CLPTM1: variants seen among roughly 807,000 people sequenced by gnomAD.
CLPTM1 encodes the protein putative lipid scramblase CLPTM1.
In CLPTM1, 21 loss-of-function variants were observed where a neutral mutation model predicts 77.3. That is an observed-to-expected ratio of 0.27 (90% CI 0.19 to 0.39). CLPTM1 has a LOEUF of 0.39. CLPTM1 is among the 10% of genes least tolerant of loss of function. The pLI, the probability that CLPTM1 is intolerant of heterozygous loss-of-function variation, is 1.00. For missense variants in CLPTM1, 642 were observed against 921.2 expected (o/e 0.70, Z 3.92); for synonymous variants, 373 against 381.0 (o/e 0.98, Z 0.24).
rs112677452 is a variant in CLPTM1 at position 44,990,501 on chromosome 19, C to T, written c.1239C>T (p.Asn413=). 2.1e-4 allele frequency: 334 copies of T among 1,614,158 alleles called. No individual in the cohort carries two copies. Among genetic ancestry groups the T allele is most frequent in the Non-Finnish European group, 2.6e-4 (310 of 1,180,000 alleles). ...TGGTCCTCCTCTACATCCTGGACAA[C>T]GAGACCAACTTCGTGGTCCAGGTCA... The part of the protein sequence containing the change: ...SFVVLLYILD[N]ETNFVVQVSV... The change falls in exon 10 of 14, where the codon AAC becomes AAT. Residue 413 remains asparagine (N), a synonymous_variant. Transcript: ENST00000337392. The surrounding 1 kb of genome is among the most constrained non-coding windows in gnomAD (Gnocchi z 4.8).
intron 9 of CLPTM1, 77 bp downstream of exon 9, chr19:44,988,250 C>A: frequency 3.8e-6 from 4 of 1,040,854 alleles, no homozygotes; most frequent in Non-Finnish European, 6.1e-6. Flanking sequence ...TCCTCCCCTC[C>A]CTCCCCACAT....
intron 5 of CLPTM1, among the ~76,000 whole-genome samples, chr19:44,978,556 C>T (rs1416371225): frequency 6.7e-6 from 1 of 148,758 alleles, no homozygotes; most frequent in African/African-American, 2.5e-5. Context: ...TCGCTTGAAC[C>T]TGGGAGGTCA....
Position 44,993,038 on chromosome 19 carries a change from C to G in CLPTM1, c.*141C>G, listed in dbSNP as rs748251272. Reference sequence around the variant, plus strand: ...AGGCCCGCCTCAGGTCAGGGCCCAGCGTGTGATGTAGGGGCCGGGGCAGGC... The same window carrying G: ...AGGCCCGCCTCAGGTCAGGGCCCAGGGTGTGATGTAGGGGCCGGGGCAGGC... On this transcript the variant is annotated 3_prime_UTR_variant, in exon 14 of 14. Coordinates refer to ENST00000337392, the MANE Select transcript of CLPTM1 (RefSeq NM_001294.4). 2 of 1,074,140 alleles carry G rather than the reference C, an allele frequency of 1.9e-6. No individual in the cohort carries two copies. The highest frequency in any genetic ancestry group is 1.4e-6 in the Non-Finnish European group (1 of 721,010). 66.5% of individuals were successfully genotyped at this position (1,074,140 alleles called of 1,614,324 possible).
chr19:44,977,787 T>C (rs1457573864), intron 5 of CLPTM1, among the ~76,000 whole-genome samples: 2 of 152,154 alleles, frequency 1.3e-5, no homozygotes, highest in Non-Finnish European at 2.9e-5. Context: ...GGTTGACTTT[T>C]GCACAGTAGG....
chr19:44,992,171 C>A lies in CLPTM1; in HGVS notation c.1556-62C>A. The A allele has an allele frequency of 6.4e-7, 1 of 1,573,818 alleles. No homozygotes were observed. The highest frequency in any genetic ancestry group is 8.7e-7 in the Non-Finnish European group (1 of 1,148,474). On this transcript the variant is annotated intron_variant, in intron 12 of 13. Coordinates refer to ENST00000337392, the MANE Select transcript of CLPTM1 (RefSeq NM_001294.4). The surrounding 1 kb of genome is among the most constrained non-coding windows in gnomAD (Gnocchi z 7.7). Reference sequence around the variant, plus strand: ...GGTGAGGGGGCTGGTATGGCCAGTGCAGAGTGCACAGGGGAGAGGTGGGAG... The same window carrying A: ...GGTGAGGGGGCTGGTATGGCCAGTGAAGAGTGCACAGGGGAGAGGTGGGAG...
chr19:44,991,164 G>A lies in CLPTM1; in HGVS notation c.1420-74G>A, dbSNP rs1209337974. On this transcript the variant is annotated intron_variant, in intron 11 of 13. Coordinates refer to ENST00000337392, the MANE Select transcript of CLPTM1 (RefSeq NM_001294.4). The surrounding 1 kb of genome is among the most constrained non-coding windows in gnomAD (Gnocchi z 5.4). ...CCCGGCCTGCCAGACCAGGTGTGGTGGGTGAGGGCGGGGAGCAGGGCTGCC... is the reference window on the plus strand; with the variant it reads ...CCCGGCCTGCCAGACCAGGTGTGGTAGGTGAGGGCGGGGAGCAGGGCTGCC... 8 of 1,596,596 alleles carry A rather than the reference G, an allele frequency of 5.0e-6. No homozygotes were observed. The highest frequency in any genetic ancestry group is 6.8e-6 in the Non-Finnish European group (8 of 1,169,702).
intron 9 of CLPTM1, among the ~76,000 whole-genome samples, chr19:44,989,019 A>C (rs1392021043): frequency 6.6e-6 from 1 of 152,126 alleles, no homozygotes; most frequent in Admixed American, 6.5e-5. Flanking sequence ...GTTTCTACAC[A>C]ATTTTTTTTA....
intron 1 of CLPTM1, among the ~76,000 whole-genome samples, chr19:44,959,905 G>T (rs915737167): frequency 6.6e-6 from 1 of 152,058 alleles, no homozygotes; most frequent in South Asian, 2.1e-4. Flanking sequence ...TTGCCTTTCC[G>T]TGGGAAGGTT....
chr19:44,987,129 C>T lies in CLPTM1; in HGVS notation c.794-50C>T, dbSNP rs531152315. On this transcript the variant is annotated intron_variant, in intron 7 of 13. Transcript: ENST00000337392. ...TCCAGACATCTGAGGCCTGCGGGTA[C>T]CCTGGCCTCCTGCCCGGGCCAAATG... The T allele has an allele frequency of 4.3e-5, 67 of 1,574,414 alleles. No homozygotes were observed. In the South Asian group the frequency reaches 6.9e-4, roughly 16 times the overall value.
At chr19:44,972,249 T>C (rs1159481828) in intron 2 of CLPTM1, among the ~76,000 whole-genome samples, 1 of 151,286 alleles carries the variant, frequency 6.6e-6, no homozygotes, top group Non-Finnish European at 1.5e-5. Flanking sequence ...TAGATCTCAT[T>C]CATTCTTTTT....
chr19:44,992,965 CCCCT>C lies in CLPTM1; in HGVS notation c.*73_*76del. ...CCCCTGCGTCCCGGCCCCCTCGCCT[CCCCT>C]CCCTGTCGCCCTTTCCCTGGACAGA... On this transcript the variant is annotated 3_prime_UTR_variant, in exon 14 of 14. Transcript: ENST00000337392. This position sits in a 1 kb window ranked among gnomAD's most constrained non-coding sequence, Gnocchi z 7.7. 1 of 1,537,386 alleles carries C rather than the reference CCCCT, an allele frequency of 6.5e-7. No homozygotes were observed. Among genetic ancestry groups the C allele is most frequent in the Non-Finnish European group, 8.8e-7 (1 of 1,134,072 alleles).
chr19:44,983,060 CAAA>C (rs36001989), intron 5 of CLPTM1, among the ~76,000 whole-genome samples: 1 of 111,804 alleles, frequency 8.9e-6, no homozygotes, highest in Non-Finnish European at 1.9e-5. Flanking sequence ...GACTCCATCT[CAAA>C]AAAAAAAAAA....
chr19:44,983,308 T>C (rs1279879892), intron 5 of CLPTM1, among the ~76,000 whole-genome samples: 1 of 151,984 alleles, frequency 6.6e-6, no homozygotes, highest in African/African-American at 2.4e-5. Flanking sequence ...GACTGAGTTT[T>C]CCTTCATAGC....
intron 2 of CLPTM1, among the ~76,000 whole-genome samples, chr19:44,964,221 AT>A (rs1419256802): frequency 1.3e-5 from 2 of 149,744 alleles, no homozygotes; most frequent in Admixed American, 1.3e-4. Context: ...TAACATATGA[AT>A]TTTGGGAGAC....
At position 44,987,360 on chromosome 19, in the gene CLPTM1, G is replaced by T. The variant is rs573473703; in HGVS notation, c.975G>T (p.Ser325=). 2 of 1,614,212 alleles carry T rather than the reference G, an allele frequency of 1.2e-6. No individual in the cohort carries two copies. Among genetic ancestry groups the T allele is most frequent in the Non-Finnish European group, 1.7e-6 (2 of 1,180,024 alleles). ...WQLYAAQSTK[S]PWNFLGDELY... ...TCTATGCTGCCCAGAGCACCAAGTCGCCCTGGAACTTCCTGGGTGATGAGT... is the reference window on the plus strand; with the variant it reads ...TCTATGCTGCCCAGAGCACCAAGTCTCCCTGGAACTTCCTGGGTGATGAGT... The change falls in exon 8 of 14, where the codon TCG becomes TCT. Residue 325 remains serine (S), a synonymous_variant. Coordinates refer to ENST00000337392, the MANE Select transcript of CLPTM1 (RefSeq NM_001294.4).
chr19:44,955,586 C>T (rs951336728), intron 1 of CLPTM1, 119 bp downstream of exon 1: 2 of 943,404 alleles, frequency 2.1e-6, no homozygotes. Flanking sequence ...CCAGAGGGAC[C>T]TTGAATACCC....
At chr19:44,963,975 C>G (rs1013749937) in intron 2 of CLPTM1, among the ~76,000 whole-genome samples, 4 of 150,692 alleles carry the variant, frequency 2.7e-5, no homozygotes, top group Non-Finnish European at 5.9e-5. Context: ...ACTATGTTGA[C>G]CAGGCTGGTC....
chr19:44,988,352 ATT>A (rs1971016343), intron 9 of CLPTM1, among the ~76,000 whole-genome samples, 179 bp downstream of exon 9: 1 of 152,144 alleles, frequency 6.6e-6, no homozygotes, highest in Non-Finnish European at 1.5e-5. Context: ...CAACCCAGAA[ATT>A]CCCACCCACC....
intron 8 of CLPTM1, chr19:44,987,753 C>G: frequency 1.8e-6 from 1 of 548,096 alleles, no homozygotes; most frequent in Non-Finnish European, 3.3e-6. Context: ...AAATGTCAGC[C>G]TGTGTCTGTG....
Sources: allele counts gnomAD v4.1 joint callset (sites outside exome capture counted in the v4.1 genomes callset), GRCh38; gene constraint gnomAD v4.1.1; non-coding constraint Gnocchi (gnomAD v3.1); transcripts MANE v1.5; gene names NCBI Gene and HGNC (gene_info 2026-07-23, HGNC 2026-07-21).